The following SUGCT variants were observed in gnomAD, a reference collection of about 807,000 sequenced individuals.
SUGCT encodes the protein succinyl-CoA:glutarate CoA-transferase.
A neutral mutation model predicts 55.0 loss-of-function variants in SUGCT; 41 were observed. The observed-to-expected ratio is 0.74, with a 90% CI of 0.58 to 0.97. SUGCT has a LOEUF of 0.97. Ranked by LOEUF, SUGCT falls within the 50% of genes least tolerant of loss-of-function variation. The pLI is 0.00. For synonymous variants in SUGCT, 187 were observed against 200.4 expected (o/e 0.93, Z 0.56); for missense variants, 568 against 547.8 (o/e 1.04, Z -0.37).
intron 12 of SUGCT, among the ~76,000 whole-genome samples, chr7:40,743,797 C>T (rs945267540): frequency 6.6e-6 from 1 of 152,178 alleles, no homozygotes; most frequent in Non-Finnish European, 1.5e-5. Context: ...TGTGAGCACA[C>T]TCTGCACCAG....
intron 13 of SUGCT, among the ~76,000 whole-genome samples, chr7:40,826,251 C>T (rs2128771826): frequency 6.6e-6 from 1 of 152,284 alleles, no homozygotes; most frequent in Middle Eastern, 3.4e-3. Context: ...TCCTGGCATC[C>T]TTCAACTGAT....
chr7:40,773,429 G>A (rs1309963634), intron 13 of SUGCT, among the ~76,000 whole-genome samples: 1 of 151,996 alleles, frequency 6.6e-6, no homozygotes, highest in Non-Finnish European at 1.5e-5. Flanking sequence ...GTGCCCGGCC[G>A]TATCTTTTTA....
At chr7:40,141,831 A>C (rs780557517) in intron 1 of SUGCT, 2 of 416,800 alleles carry the variant, frequency 4.8e-6, no homozygotes, top group Non-Finnish European at 9.7e-6. Flanking sequence ...CAGCAAGGCA[A>C]TGTACTTCTA....
the SUGCT span, among the ~76,000 whole-genome samples, chr7:40,923,540 G>T: frequency 0.014 from 2,079 of 152,260 alleles, 15 homozygotes; most frequent in Non-Finnish European, 0.021. Flanking sequence ...CAAGGAGACA[G>T]AAAATAATTT....
intron 12 of SUGCT, among the ~76,000 whole-genome samples, chr7:40,648,122 G>A (rs1413749726): frequency 6.6e-6 from 1 of 152,126 alleles, no homozygotes; most frequent in Non-Finnish European, 1.5e-5. Context: ...TTAAAGTATA[G>A]AACATTATGA....
chr7:40,878,210 A>T, the SUGCT span, among the ~76,000 whole-genome samples: 1 of 152,018 alleles, frequency 6.6e-6, no homozygotes, highest in Non-Finnish European at 1.5e-5. Context: ...TATGAACATT[A>T]TCTTGTTTCA....
At chr7:40,154,009 C>G in intron 1 of SUGCT, 1 of 267,362 alleles carries the variant, frequency 3.7e-6, no homozygotes, top group Non-Finnish European at 7.5e-6. Flanking sequence ...TTTACCAAAG[C>G]ATTATCTGGC....
chr7:40,907,573 G>A, the SUGCT span, among the ~76,000 whole-genome samples: 2 of 152,168 alleles, frequency 1.3e-5, no homozygotes, highest in Non-Finnish European at 2.9e-5. Context: ...ACCCTATGAA[G>A]TAGGTGTTAT....
chr7:40,708,449 C>G (rs1343076822), intron 12 of SUGCT, among the ~76,000 whole-genome samples: 1 of 152,208 alleles, frequency 6.6e-6, no homozygotes, highest in Non-Finnish European at 1.5e-5. Flanking sequence ...TTCATTCTCA[C>G]CTAGCCTACT....
At chr7:40,860,218 AT>A (rs1794424587) in intron 13 of SUGCT, 97 bp from the exon 14 acceptor site, 9 of 1,425,870 alleles carry the variant, frequency 6.3e-6, no homozygotes, top group Non-Finnish European at 7.9e-6. Context: ...ACTCATTGAT[AT>A]TTTTGGCATT....
chr7:40,263,411 A>G (rs1423102310), intron 7 of SUGCT, among the ~76,000 whole-genome samples: 1 of 152,236 alleles, frequency 6.6e-6, no homozygotes, highest in African/African-American at 2.4e-5. Context: ...ATTTAATCTG[A>G]ACCTGATCAT....
intron 13 of SUGCT, among the ~76,000 whole-genome samples, chr7:40,796,242 T>C (rs541184699): frequency 3.5e-4 from 53 of 152,282 alleles, no homozygotes; most frequent in African/African-American, 1.2e-3. Context: ...GTTGGGGATC[T>C]GAGTGTTGGT....
At chr7:40,198,760 G>A (rs956995803) in intron 6 of SUGCT, among the ~76,000 whole-genome samples, 25 of 151,110 alleles carry the variant, frequency 1.7e-4, no homozygotes, top group African/African-American at 6.2e-4. Flanking sequence ...ACTTTGAGAG[G>A]CCAAGGCGGG....
the SUGCT span, among the ~76,000 whole-genome samples, chr7:40,952,591 C>T: frequency 6.6e-6 from 1 of 152,164 alleles, no homozygotes; most frequent in Admixed American, 6.5e-5. Flanking sequence ...GTGGCTGGTA[C>T]CAGTTGTTCC....
At chr7:40,272,191 T>TACAC (rs1436815135) in intron 7 of SUGCT, among the ~76,000 whole-genome samples, 18 of 71,932 alleles carry the variant, frequency 2.5e-4, no homozygotes, top group South Asian at 4.4e-4. Context: ...TATATATATA[T>TACAC]ATACAGGGTC....
At chr7:40,528,767 T>C (rs1193195668) in intron 12 of SUGCT, among the ~76,000 whole-genome samples, 1 of 152,196 alleles carries the variant, frequency 6.6e-6, no homozygotes, top group East Asian at 1.9e-4. Context: ...TCCTACTTGT[T>C]CCTTGATTCC....
chr7:40,855,494 T>G (rs971848228), intron 13 of SUGCT, among the ~76,000 whole-genome samples: 1 of 150,226 alleles, frequency 6.7e-6, no homozygotes, highest in Non-Finnish European at 1.5e-5. Context: ...TGCTAAATCT[T>G]GTTTAAATTG....
chr7:40,388,659 G>A (rs1362784178), intron 9 of SUGCT, among the ~76,000 whole-genome samples: 1 of 152,034 alleles, frequency 6.6e-6, no homozygotes, highest in East Asian at 1.9e-4. Context: ...AAAGTGATGT[G>A]CCTGCCGTGG....
At chr7:40,316,704 AT>A in intron 8 of SUGCT, 55 bp from the exon 9 acceptor site, 1 of 1,137,278 alleles carries the variant, frequency 8.8e-7, no homozygotes, top group Non-Finnish European at 1.3e-6. Context: ...CGTTCTCTTT[AT>A]GAGTATAGAT....
Sources: allele counts gnomAD v4.1 joint callset (sites outside exome capture counted in the v4.1 genomes callset), GRCh38; gene constraint gnomAD v4.1.1; transcripts MANE v1.5; gene names NCBI Gene and HGNC (gene_info 2026-07-23, HGNC 2026-07-21).